Variants in SUCO observed in about 807,000 individuals in gnomAD.
The protein encoded by SUCO is SUN domain-containing ossification factor.
Under a neutral mutation model 148.1 loss-of-function variants are expected in SUCO, and 57 were observed. The observed-to-expected ratio is 0.38, with a 90% confidence interval of 0.31 to 0.48. SUCO has a LOEUF of 0.48. SUCO is among the 20% of genes least tolerant of loss of function. The probability of loss-of-function intolerance (pLI) is 0.96; values close to 1 mark genes in which losing one functional copy is unlikely to be tolerated. For missense variants in SUCO, 1,331 were observed against 1,468.2 expected, an observed-to-expected ratio of 0.91 and a Z score of 1.53; for synonymous variants, 470 against 502.7, an observed-to-expected ratio of 0.93 and a Z score of 0.87.
chr1:172,579,253 T>C lies in SUCO; in HGVS notation c.1484T>C (p.Leu495Pro). 1 of 1,598,070 alleles carries C rather than the reference T, an allele frequency of 6.3e-7. No homozygotes were observed. The highest frequency in any genetic ancestry group is 8.6e-7 in the Non-Finnish European group (1 of 1,167,112). Residue 495 changes from leucine to proline, a missense_variant, in exon 15 of 24, where the codon CTT (leucine) becomes CCT (proline). By Grantham distance (98) the Leu-to-Pro change is moderately conservative. Coordinates refer to ENST00000263688, the MANE Select transcript of SUCO (RefSeq NM_014283.5). ...GAGGATAAATCCTCAAAAAATCTTC[T>C]TGGTTCTGCTACAAGTGAGTATTTT... Reference protein sequence around the residue: ...TGEDKSSKNLLGSATNAILNM... With the variant: ...TGEDKSSKNLPGSATNAILNM...
chr1:172,605,839 CA>C (rs1463667142), intron 22 of SUCO, among the ~76,000 whole-genome samples: 2 of 151,774 alleles, frequency 1.3e-5, no homozygotes, highest in African/African-American at 2.4e-5. Context: ...CTTGCATTTT[CA>C]GCAATGTTAA....
At chr1:172,566,050 A>T (rs532159994) in intron 6 of SUCO, among the ~76,000 whole-genome samples, 7 of 152,178 alleles carry the variant, frequency 4.6e-5, no homozygotes, top group Non-Finnish European at 1.0e-4. Flanking sequence ...GGGCTTGCAC[A>T]GGGGCTGGTA....
chr1:172,605,261 A>T (rs1657793288), intron 22 of SUCO, among the ~76,000 whole-genome samples: 1 of 151,918 alleles, frequency 6.6e-6, no homozygotes, highest in African/African-American at 2.4e-5. Context: ...GTTCAAGGTC[A>T]TGAAGCTTTT....
intron 20 of SUCO, 31 bp downstream of exon 20, chr1:172,600,199 A>G (rs1184310266): frequency 2.8e-6 from 4 of 1,446,534 alleles, no homozygotes; most frequent in East Asian, 4.6e-5. Flanking sequence ...TGCGAGACCC[A>G]ATGCATGTAT....
chr1:172,602,602 C>G, intron 21 of SUCO, 94 bp from the exon 22 acceptor site: 1 of 1,541,598 alleles, frequency 6.5e-7, no homozygotes, highest in Non-Finnish European at 8.7e-7. Context: ...GTGGTATGTA[C>G]AGTTCTCAAT....
rs1294998181 is a variant in SUCO at position 172,575,662 on chromosome 1, A to G, written c.1263+39A>G. 6.5e-6 allele frequency: 9 copies of G among 1,391,158 alleles called. No individual in the cohort carries two copies. The Admixed American group carries it at 8.8e-5, about 14-fold the overall frequency. 86.2% of individuals were successfully genotyped at this position (1,391,158 alleles called of 1,614,324 possible). A position where few individuals can be genotyped will look rare whatever the true frequency, so the allele number is the denominator to read the frequency against. Reference sequence around the variant, plus strand: ...ATACAGGACTATGTTCTATAATGAAAATATACGTGTTATTCACACTTTATA... The same window carrying G: ...ATACAGGACTATGTTCTATAATGAAGATATACGTGTTATTCACACTTTATA... On this transcript the variant is annotated intron_variant, in intron 11 of 23. Coordinates refer to ENST00000263688, the MANE Select transcript of SUCO (RefSeq NM_014283.5).
At chr1:172,546,540 G>C (rs1468826245) in intron 1 of SUCO, among the ~76,000 whole-genome samples, 2 of 152,156 alleles carry the variant, frequency 1.3e-5, no homozygotes, top group African/African-American at 4.8e-5. Context: ...AGAGGCGCAG[G>C]CTTCAGAGTC....
At chr1:172,561,729 G>A (rs1571213574) in intron 6 of SUCO, among the ~76,000 whole-genome samples, 1 of 152,150 alleles carries the variant, frequency 6.6e-6, no homozygotes, top group Admixed American at 6.5e-5. Context: ...CTCTACTCTT[G>A]TCTGGCCCAG....
In SUCO at chr1:172,557,725, T is replaced by A; in HGVS notation, c.663T>A (p.Val221=). Reference sequence around the variant, plus strand: ...CAAAATCAGAATTTGAATCAAAAGTTTCAGCAAGTGAACAGGGCGGTGGTG... The same window carrying A: ...CAAAATCAGAATTTGAATCAAAAGTATCAGCAAGTGAACAGGGCGGTGGTG... ...KITKSEFESK[V]SASEQGGGDP... is the part of the protein sequence containing the mutation. Residue 221 remains valine (V), a synonymous_variant, in exon 6 of 24, where the codon GTT becomes GTA. Coordinates refer to ENST00000263688, the MANE Select transcript of SUCO (RefSeq NM_014283.5). 6.2e-7 allele frequency: 1 copy of A among 1,613,270 alleles called. No homozygotes were observed. Among genetic ancestry groups the A allele is most frequent in the Non-Finnish European group, 8.5e-7 (1 of 1,179,688 alleles).
intron 19 of SUCO, among the ~76,000 whole-genome samples, chr1:172,592,762 T>C (rs1279169649): frequency 6.6e-6 from 1 of 152,252 alleles, no homozygotes; most frequent in Admixed American, 6.5e-5. Flanking sequence ...CAATGTGGGC[T>C]CTTTTTTGGT....
At chr1:172,578,913 A>T (rs1436648181) in intron 14 of SUCO, among the ~76,000 whole-genome samples, 1 of 152,066 alleles carries the variant, frequency 6.6e-6, no homozygotes, top group Non-Finnish European at 1.5e-5. Flanking sequence ...AAATGAAGAC[A>T]TTGACTAAGA....
At chr1:172,577,056 T>C in intron 11 of SUCO, 1 of 749,078 alleles carries the variant, frequency 1.3e-6, no homozygotes, top group Non-Finnish European at 1.6e-6. Flanking sequence ...TTGTATATAA[T>C]ATACAAGTAT....
intron 6 of SUCO, among the ~76,000 whole-genome samples, chr1:172,558,563 G>A (rs1653912770): frequency 6.6e-6 from 1 of 151,994 alleles, no homozygotes; most frequent in Non-Finnish European, 1.5e-5. Flanking sequence ...TCTTTTTCAC[G>A]TATTTTCAGT....
chr1:172,598,195 G>A (rs752374041), intron 19 of SUCO, among the ~76,000 whole-genome samples: 77 of 152,256 alleles, frequency 5.1e-4, no homozygotes, highest in Non-Finnish European at 7.4e-4. Flanking sequence ...AGAATCATTC[G>A]TTGGAATGAG....
At chr1:172,568,641 C>G (rs1318066068) in intron 6 of SUCO, among the ~76,000 whole-genome samples, 1 of 152,076 alleles carries the variant, frequency 6.6e-6, no homozygotes, top group African/African-American at 2.4e-5. Flanking sequence ...CTAAAATTAT[C>G]TAGCTTCCTT....
At chr1:172,585,208 C>T (rs1656154957) in intron 16 of SUCO, 122 bp downstream of exon 16, 4 of 875,500 alleles carry the variant, frequency 4.6e-6, no homozygotes, top group Non-Finnish European at 4.9e-6. Flanking sequence ...AGAAATAATT[C>T]AGAGGAACTT....
chr1:172,577,030 C>T, intron 11 of SUCO: 2 of 773,000 alleles, frequency 2.6e-6, no homozygotes, highest in Non-Finnish European at 3.1e-6. Flanking sequence ...AAAATTCATA[C>T]TTTCCCCGAA....
intron 19 of SUCO, 149 bp from the exon 20 acceptor site, chr1:172,599,915 C>G: frequency 1.8e-6 from 1 of 568,344 alleles, no homozygotes; most frequent in Middle Eastern, 4.6e-4. Flanking sequence ...TCTAAAATTT[C>G]TGTTCAAAGT....
chr1:172,548,240 T>C (rs1444065995), intron 1 of SUCO, among the ~76,000 whole-genome samples: 1 of 151,774 alleles, frequency 6.6e-6, no homozygotes, highest in Non-Finnish European at 1.5e-5. Context: ...GTTTATAATA[T>C]TTTATAATTT....
Sources: gnomAD v4.1 joint callset for allele counts (sites outside exome capture counted in the v4.1 genomes callset) on GRCh38, gnomAD v4.1.1 for gene constraint, MANE v1.5 for transcripts, NCBI Gene and HGNC (gene_info 2026-07-23, HGNC 2026-07-21) for gene names.